Variants in MYO3A observed in about 807,000 individuals in gnomAD.
MYO3A encodes the protein myosin-IIIa.
MYO3A carries 180 observed loss-of-function variants against 192.7 expected under a neutral mutation model. That is an observed-to-expected ratio of 0.93 (90% confidence interval 0.83 to 1.06). The LOEUF is 1.06. Among genes scored for constraint, MYO3A ranks in the 50% least tolerant of loss-of-function variants. The pLI, the probability that MYO3A is intolerant of heterozygous loss-of-function variation, is 0.00. For missense variants in MYO3A, 1,896 were observed against 1,905.0 expected (o/e 1.00, Z 0.09); for synonymous variants, 628 against 645.3 (o/e 0.97, Z 0.41).
At chr10:26,082,218 CCT>C (rs1836002403) in intron 14 of MYO3A, among the ~76,000 whole-genome samples, 1 of 152,002 alleles carries the variant, frequency 6.6e-6, no homozygotes, top group African/African-American at 2.4e-5. Context: ...TCTTCCGATC[CCT>C]GAGATAAATT....
chr10:25,956,300 A>C (rs1203770576), intron 4 of MYO3A, among the ~76,000 whole-genome samples: 3 of 151,676 alleles, frequency 2.0e-5, no homozygotes, highest in African/African-American at 7.3e-5. Flanking sequence ...TATATAAATT[A>C]TATTAAGACT....
intron 6 of MYO3A, among the ~76,000 whole-genome samples, chr10:26,008,823 T>C (rs1397305411): frequency 6.6e-6 from 1 of 151,970 alleles, no homozygotes; most frequent in African/African-American, 2.4e-5. Context: ...AGTGTGGCGA[T>C]TCCTCAGGGA....
At chr10:26,058,157 T>C (rs1336728274) in intron 10 of MYO3A, among the ~76,000 whole-genome samples, 3 of 152,390 alleles carry the variant, frequency 2.0e-5, no homozygotes, top group Middle Eastern at 6.8e-3. Context: ...CTGTGTCCTC[T>C]AATTTGCTGT....
At chr10:26,125,227 G>T (rs1369703945) in intron 18 of MYO3A, among the ~76,000 whole-genome samples, 171 bp from the exon 19 acceptor site, 1 of 152,148 alleles carries the variant, frequency 6.6e-6, no homozygotes, top group Non-Finnish European at 1.5e-5. Flanking sequence ...TGAGAAAAAT[G>T]ATCAAGAAGA....
intron 4 of MYO3A, among the ~76,000 whole-genome samples, chr10:25,976,237 C>T (rs931835052): frequency 1.3e-5 from 2 of 152,110 alleles, no homozygotes; most frequent in Non-Finnish European, 1.5e-5. Flanking sequence ...AGAAGTTTCA[C>T]TTGTAGGCAT....
intron 14 of MYO3A, among the ~76,000 whole-genome samples, chr10:26,084,801 T>G (rs537016425): frequency 3.3e-5 from 5 of 152,378 alleles, no homozygotes; most frequent in African/African-American, 1.2e-4. Context: ...ACACTATGCC[T>G]GGCCTAGCTC....
At chr10:26,004,604 T>C (rs1378316815) in intron 6 of MYO3A, among the ~76,000 whole-genome samples, 1 of 152,100 alleles carries the variant, frequency 6.6e-6, no homozygotes, top group Non-Finnish European at 1.5e-5. Context: ...CAAGGATTCT[T>C]GGAGAAAGGC....
chr10:26,060,394 G>C (rs1195693626), intron 10 of MYO3A, among the ~76,000 whole-genome samples: 1 of 152,050 alleles, frequency 6.6e-6, no homozygotes, highest in African/African-American at 2.4e-5. Flanking sequence ...CTTGAACCTG[G>C]AAGGCAGAGG....
Position 26,016,811 on chromosome 10 carries a change from T to A in MYO3A, c.509-9T>A. On this transcript the variant is annotated splice_polypyrimidine_tract_variant and intron_variant, in intron 6 of 34. Transcript: ENST00000642920. ...AATGCAAAAAAGTACATCTTGTCTCTTCCTCTAGGTGTGTCTGCACAGCTC... is the reference window on the plus strand; with the variant it reads ...AATGCAAAAAAGTACATCTTGTCTCATCCTCTAGGTGTGTCTGCACAGCTC... 4 of 1,613,870 alleles carry A rather than the reference T, an allele frequency of 2.5e-6. No homozygotes were observed. Among genetic ancestry groups the A allele is most frequent in the Non-Finnish European group, 3.4e-6 (4 of 1,179,732 alleles).
Position 26,170,486 on chromosome 10 carries a change from C to G in MYO3A, c.3345C>G (p.Thr1115=), listed in dbSNP as rs1841992848. 2 of 1,613,220 alleles carry G rather than the reference C, an allele frequency of 1.2e-6. No individual in the cohort carries two copies. The highest frequency in any genetic ancestry group is 2.7e-5 in the African/African-American group (2 of 75,000). ...ACATGAAAAACACAGCAGTAACAACCATTCAAACTTCTGATCAGGAATTCG... is the reference window on the plus strand; with the variant it reads ...ACATGAAAAACACAGCAGTAACAACGATTCAAACTTCTGATCAGGAATTCG... The part of the protein sequence containing the change: ...IVDMKNTAVT[T]IQTSDQEFDY... Residue 1115 remains threonine (T), a synonymous_variant, in exon 29 of 35, where the codon ACC becomes ACG. Coordinates refer to ENST00000642920, the MANE Select transcript of MYO3A (RefSeq NM_017433.5).
chr10:26,016,743 C>T (rs933595052), intron 6 of MYO3A, 77 bp from the exon 7 acceptor site: 2 of 1,364,786 alleles, frequency 1.5e-6, no homozygotes, highest in African/African-American at 2.9e-5. Flanking sequence ...TATTAGTTTG[C>T]AAAAAAGATT....
At chr10:25,936,573 A>T (rs1425040371) in intron 2 of MYO3A, among the ~76,000 whole-genome samples, 2 of 152,190 alleles carry the variant, frequency 1.3e-5, no homozygotes, top group East Asian at 3.8e-4. Context: ...GTTATTCATT[A>T]GAGGGTAAAT....
intron 14 of MYO3A, among the ~76,000 whole-genome samples, chr10:26,087,875 C>T (rs1420812658): frequency 2.6e-5 from 4 of 152,260 alleles, no homozygotes; most frequent in East Asian, 1.9e-4. Flanking sequence ...TGGGGGCCCA[C>T]GCAGGTGGAG....
At chr10:25,993,080 A>G (rs1360066965) in intron 4 of MYO3A, among the ~76,000 whole-genome samples, 2 of 152,168 alleles carry the variant, frequency 1.3e-5, no homozygotes, top group Non-Finnish European at 2.9e-5. Flanking sequence ...TTCAGAAGGA[A>G]TGGTACCAGT....
chr10:25,947,968 G>C (rs1196398541), intron 2 of MYO3A, among the ~76,000 whole-genome samples: 1 of 152,128 alleles, frequency 6.6e-6, no homozygotes, highest in Non-Finnish European at 1.5e-5. Flanking sequence ...AGTGATAAGT[G>C]TTATCAAAAT....
Position 26,168,784 on chromosome 10 carries a change from A to T in MYO3A, c.3184A>T (p.Ile1062Phe), listed in dbSNP as rs760991969. Residue 1062 changes from isoleucine (I) to phenylalanine (F), a missense_variant, in exon 28 of 35, where the codon ATT (isoleucine) becomes TTT (phenylalanine). Transcript: ENST00000642920. ...GGAAGCTATTGACAAGCTTATTTTG[A>T]TTCAAGCTTGTGTCAGAGCATTCTT... is the stretch of plus-strand genomic sequence containing the variant. ...RKEAIDKLIL[I>F]QACVRAFLCS... is the part of the protein sequence containing the mutation. The T allele has an allele frequency of 2.5e-6, 4 of 1,613,394 alleles. No homozygotes were observed. The highest frequency in any genetic ancestry group is 1.7e-5 in the Admixed American group (1 of 60,032).
intron 6 of MYO3A, 120 bp downstream of exon 6, chr10:25,997,378 T>G: frequency 2.5e-6 from 2 of 791,314 alleles, no homozygotes; most frequent in Admixed American, 2.0e-5. Context: ...ATCAGTAGTA[T>G]CTTATTGAGG....
intron 10 of MYO3A, among the ~76,000 whole-genome samples, chr10:26,050,750 T>A (rs576572759): frequency 6.6e-6 from 1 of 152,040 alleles, no homozygotes; most frequent in African/African-American, 2.4e-5. Context: ...CAGTATGACA[T>A]TTTTTTTCTT....
intron 32 of MYO3A, 65 bp from the exon 33 acceptor site, chr10:26,201,200 G>A (rs1589121307): frequency 1.2e-6 from 1 of 814,188 alleles, no homozygotes; most frequent in Non-Finnish European, 1.8e-6. Context: ...TAAGATTATA[G>A]TTATATATCC....
Sources: allele counts gnomAD v4.1 joint callset (sites outside exome capture counted in the v4.1 genomes callset), GRCh38; gene constraint gnomAD v4.1.1; transcripts MANE v1.5; gene names NCBI Gene and HGNC (gene_info 2026-07-23, HGNC 2026-07-21).